Variants in SDK1 observed in about 807,000 individuals in gnomAD.
SDK1 encodes protein sidekick-1.
SDK1 carries 157 observed loss-of-function variants against 245.5 expected under a neutral mutation model. That is an observed-to-expected ratio of 0.64 (90% CI 0.56 to 0.73). The LOEUF (loss-of-function observed/expected upper bound fraction) is 0.73, where lower values mean the gene tolerates loss of function less well. SDK1 is among the 30% of genes least tolerant of loss of function. SDK1 has a pLI of 0.00. For synonymous variants in SDK1, 1,647 were observed against 1,278.5 expected (o/e 1.29, Z -6.15); for missense variants, 3,583 against 3,002.3 (o/e 1.19, Z -4.52).
chr7:3,626,393 A>G (rs1258132844), intron 2 of SDK1, among the ~76,000 whole-genome samples: 1 of 152,264 alleles, frequency 6.6e-6, no homozygotes, highest in Admixed American at 6.5e-5. Flanking sequence ...ACTTTATTCA[A>G]GAGAGTTAGT....
intron 5 of SDK1, among the ~76,000 whole-genome samples, chr7:3,839,042 T>G (rs1271505574): frequency 3.3e-5 from 5 of 152,106 alleles, no homozygotes; most frequent in South Asian, 2.1e-4. Flanking sequence ...CCTCAGTGAC[T>G]CCAGGGGATA....
At chr7:4,223,653 G>A (rs1391790790) in intron 40 of SDK1, among the ~76,000 whole-genome samples, 3 of 152,102 alleles carry the variant, frequency 2.0e-5, no homozygotes, top group Non-Finnish European at 2.9e-5. Flanking sequence ...ACTCTACTCC[G>A]GCAGGACTTC....
intron 4 of SDK1, among the ~76,000 whole-genome samples, chr7:3,765,836 AAGG>A: frequency 6.6e-6 from 1 of 152,254 alleles, no homozygotes; most frequent in Non-Finnish European, 1.5e-5. Flanking sequence ...CAGGGGATTA[AAGG>A]AGGCATTATT....
At chr7:3,312,261 A>G (rs1779568308) in intron 1 of SDK1, among the ~76,000 whole-genome samples, 1 of 152,210 alleles carries the variant, frequency 6.6e-6, no homozygotes, top group African/African-American at 2.4e-5. Flanking sequence ...CTCAGGTCTG[A>G]AACTGACCTG....
chr7:3,488,697 A>G (rs1476955099), intron 1 of SDK1, among the ~76,000 whole-genome samples: 1 of 152,202 alleles, frequency 6.6e-6, no homozygotes, highest in Non-Finnish European at 1.5e-5. Flanking sequence ...TCTACATAAG[A>G]AGTCCTGGAG....
At chr7:4,072,623 CTG>C (rs1181872218) in intron 20 of SDK1, among the ~76,000 whole-genome samples, 1 of 152,216 alleles carries the variant, frequency 6.6e-6, no homozygotes, top group South Asian at 2.1e-4. Flanking sequence ...AAAAGAAAAA[CTG>C]TGTTCGTGGG....
At chr7:4,261,089 G>A (rs1787972793) in intron 44 of SDK1, among the ~76,000 whole-genome samples, 2 of 152,158 alleles carry the variant, frequency 1.3e-5, no homozygotes, top group African/African-American at 4.8e-5. Context: ...TTCAGCCTGT[G>A]TCCCCAAATC....
chr7:3,681,974 A>G (rs1324971532), intron 4 of SDK1, among the ~76,000 whole-genome samples: 2 of 152,216 alleles, frequency 1.3e-5, no homozygotes, highest in Admixed American at 6.5e-5. Flanking sequence ...TGAGAGCATA[A>G]CATAATCAAA....
chr7:3,599,868 A>G (rs1185591294), intron 1 of SDK1, among the ~76,000 whole-genome samples: 1 of 152,232 alleles, frequency 6.6e-6, no homozygotes, highest in African/African-American at 2.4e-5. Context: ...GAAATCAGGA[A>G]GAGTGATTCC....
intron 1 of SDK1, among the ~76,000 whole-genome samples, chr7:3,538,231 G>C (rs931346532): frequency 4.6e-5 from 7 of 152,150 alleles, no homozygotes; most frequent in Non-Finnish European, 7.3e-5. Flanking sequence ...TGCCAACTGC[G>C]GCTTTGGGCC....
intron 4 of SDK1, among the ~76,000 whole-genome samples, chr7:3,765,036 T>C (rs901241215): frequency 6.6e-6 from 1 of 152,186 alleles, no homozygotes; most frequent in Non-Finnish European, 1.5e-5. Context: ...AGTGTACATA[T>C]ATAACAACAT....
At position 3,588,658 on chromosome 7, in the gene SDK1, G is replaced by C. The variant is rs186250246; in HGVS notation, c.299-30422G>C. Among the ~76,000 whole-genome samples, 3 of 152,232 alleles carry C rather than the reference G, an allele frequency of 2.0e-5. No homozygotes were observed. The East Asian group carries it at 5.8e-4, about 29-fold the overall frequency. On this transcript the variant is annotated intron_variant, in intron 1 of 44. Coordinates refer to ENST00000404826, the MANE Select transcript of SDK1 (RefSeq NM_152744.4). ...TGGAAAAGATTTAGGGAGACCTTTT[G>C]GGCACCTCACTGATGGAATTATTTT...
At chr7:3,826,418 A>T (rs1779776809) in intron 5 of SDK1, among the ~76,000 whole-genome samples, 1 of 152,196 alleles carries the variant, frequency 6.6e-6, no homozygotes, top group South Asian at 2.1e-4. Context: ...TTCTTATGAC[A>T]TCTGGTTACA....
intron 16 of SDK1, among the ~76,000 whole-genome samples, chr7:4,013,998 G>T (rs910355995): frequency 6.6e-6 from 1 of 152,248 alleles, no homozygotes; most frequent in Non-Finnish European, 1.5e-5. Context: ...GCGGCCGAGG[G>T]CTCCTGTGGC....
At chr7:4,206,072 C>G in intron 36 of SDK1, 78 bp downstream of exon 36, 1 of 951,360 alleles carries the variant, frequency 1.1e-6, no homozygotes. Context: ...TACTGCATTG[C>G]CAGCAGCAGA....
chr7:3,869,177 G>T (rs1172982892), intron 5 of SDK1, among the ~76,000 whole-genome samples: 2 of 142,406 alleles, frequency 1.4e-5, no homozygotes, highest in Non-Finnish European at 3.0e-5. Context: ...TTTTTTTGAG[G>T]CAGGGTCTCA....
chr7:4,168,066 T>A (rs1781603414), intron 32 of SDK1, among the ~76,000 whole-genome samples: 1 of 152,152 alleles, frequency 6.6e-6, no homozygotes, highest in Admixed American at 6.5e-5. Context: ...TGAACCCAGT[T>A]CAGAACCCTG....
At chr7:4,187,808 A>G (rs529908349) in intron 35 of SDK1, among the ~76,000 whole-genome samples, 47 of 152,310 alleles carry the variant, frequency 3.1e-4, no homozygotes, top group Admixed American at 6.5e-4. Flanking sequence ...AATACTTGAT[A>G]AGAGTATGTT....
At chr7:3,650,631 C>T (rs933274742) in intron 4 of SDK1, among the ~76,000 whole-genome samples, 6 of 152,140 alleles carry the variant, frequency 3.9e-5, no homozygotes, top group East Asian at 1.9e-4. Context: ...GACTTTGATA[C>T]ATCAACAAAC....
Sources: gnomAD v4.1 joint callset for allele counts (sites outside exome capture counted in the v4.1 genomes callset) on GRCh38, gnomAD v4.1.1 for gene constraint, MANE v1.5 for transcripts, NCBI Gene and HGNC (gene_info 2026-07-23, HGNC 2026-07-21) for gene names.